Variants in AKT3 observed in about 807,000 individuals in gnomAD.
The protein encoded by AKT3 is RAC-gamma serine/threonine-protein kinase.
Under a neutral mutation model 65.3 loss-of-function variants are expected in AKT3, and 15 were observed. The ratio of observed to expected loss-of-function variants is 0.23; its 90% confidence interval spans 0.15 to 0.35. The LOEUF is 0.35. Among genes scored for constraint, AKT3 ranks in the 10% least tolerant of loss-of-function variants. The probability of loss-of-function intolerance (pLI) is 1.00; values close to 1 mark genes in which losing one functional copy is unlikely to be tolerated. For synonymous variants in AKT3, 206 were observed against 183.8 expected, an observed-to-expected ratio of 1.12 and a Z score of -0.98; for missense variants, 243 against 576.5, an observed-to-expected ratio of 0.42 and a Z score of 5.92.
chr1:243,536,282 A>C (rs928220571), intron 12 of AKT3, among the ~76,000 whole-genome samples: 38 of 152,120 alleles, frequency 2.5e-4, no homozygotes, highest in African/African-American at 8.4e-4. Flanking sequence ...TGGGGACTTA[A>C]GTCACACATT....
At position 243,807,469 on chromosome 1, in the gene AKT3, G is replaced by A. The variant is rs184012288; in HGVS notation, c.46+35656C>T. ...GCAGTCTGAGATCAAACTGCAACGC[G>A]GCAGCAAGGCTGAGGGAGGGGCGCC... On this transcript the variant is annotated intron_variant, in intron 2 of 13. Coordinates refer to ENST00000673466, the MANE Select transcript of AKT3 (RefSeq NM_005465.7). Among the ~76,000 whole-genome samples the A allele has an allele frequency of 5.2e-3, 783 of 150,248 alleles. 9 individuals are homozygous for A. The highest frequency in any genetic ancestry group is 0.019 in the African/African-American group (742 of 39,572).
chr1:243,649,346 T>C (rs1413173896), intron 4 of AKT3, among the ~76,000 whole-genome samples: 1 of 150,454 alleles, frequency 6.6e-6, no homozygotes, highest in African/African-American at 2.5e-5. Flanking sequence ...TGTGTGTGTG[T>C]GTGTGTGTGT....
intron 2 of AKT3, among the ~76,000 whole-genome samples, chr1:243,715,136 A>G (rs1300880444): frequency 2.0e-5 from 3 of 152,102 alleles, no homozygotes; most frequent in Admixed American, 2.0e-4. Flanking sequence ...TCCCTACTAA[A>G]GCTTGAAGTA....
intron 2 of AKT3, among the ~76,000 whole-genome samples, chr1:243,749,888 T>C (rs1044256236): frequency 2.0e-5 from 3 of 152,226 alleles, no homozygotes; most frequent in African/African-American, 7.2e-5. Context: ...AATGAGGTTA[T>C]CAGTGGCCTC....
chr1:243,724,908 G>T (rs1453160769), intron 2 of AKT3, among the ~76,000 whole-genome samples: 1 of 151,852 alleles, frequency 6.6e-6, no homozygotes, highest in Non-Finnish European at 1.5e-5. Context: ...AGGTACACAA[G>T]AAACAAAAGT....
Position 243,590,665 on chromosome 1 carries a change from T to C in AKT3, c.697-17617A>G, listed in dbSNP as rs147713577. Among the ~76,000 whole-genome samples, 648 of 152,180 alleles carry C rather than the reference T, an allele frequency of 4.3e-3. 5 individuals carry two copies. The highest frequency in any genetic ancestry group is 0.015 in the African/African-American group (623 of 41,520). On this transcript the variant is annotated intron_variant, in intron 8 of 13. Transcript: ENST00000673466. ...ACAACATCTAAAATAAAAAATTCACTAGATGGAATTAACAGATTCGACACT... is the reference window on the plus strand; with the variant it reads ...ACAACATCTAAAATAAAAAATTCACCAGATGGAATTAACAGATTCGACACT...
chr1:243,548,972 C>T (rs756285895), intron 11 of AKT3, among the ~76,000 whole-genome samples: 2 of 152,130 alleles, frequency 1.3e-5, no homozygotes, highest in Non-Finnish European at 2.9e-5. Context: ...TTTCCAAAGG[C>T]TTTTCAAGGT....
chr1:243,804,347 A>T (rs972688375), intron 2 of AKT3, among the ~76,000 whole-genome samples: 1 of 152,230 alleles, frequency 6.6e-6, no homozygotes, highest in African/African-American at 2.4e-5. Context: ...TTAAACTAGT[A>T]ATACATTTAG....
chr1:243,613,196 C>T (rs1472558907), intron 8 of AKT3, among the ~76,000 whole-genome samples: 1 of 149,802 alleles, frequency 6.7e-6, no homozygotes, highest in Non-Finnish European at 1.5e-5. Flanking sequence ...CATACACACA[C>T]ACACATATAT....
At chr1:243,566,238 T>C (rs1674147401) in intron 9 of AKT3, among the ~76,000 whole-genome samples, 1 of 152,182 alleles carries the variant, frequency 6.6e-6, no homozygotes, top group South Asian at 2.1e-4. Flanking sequence ...TCTAATTCTG[T>C]AACCTCGTAT....
At chr1:243,567,672 A>C (rs1674265950) in intron 9 of AKT3, among the ~76,000 whole-genome samples, 1 of 151,974 alleles carries the variant, frequency 6.6e-6, no homozygotes, top group Non-Finnish European at 1.5e-5. Context: ...ACATTCTTCT[A>C]TCAATTACTT....
chr1:243,727,559 G>A (rs1236456402), intron 2 of AKT3, among the ~76,000 whole-genome samples: 2 of 152,082 alleles, frequency 1.3e-5, no homozygotes, highest in African/African-American at 4.8e-5. Context: ...AGGATTACAG[G>A]TGTCAGCCAC....
At chr1:243,665,525 C>T (rs922587267) in intron 3 of AKT3, among the ~76,000 whole-genome samples, 4 of 152,310 alleles carry the variant, frequency 2.6e-5, no homozygotes, top group African/African-American at 9.6e-5. Context: ...TACTGAATAA[C>T]TAGGAAGATG....
rs116644802 is a variant in AKT3, at chr1:243,510,998, C to T, written c.1354+1326G>A. Among the ~76,000 whole-genome samples, 432 of 152,384 alleles carry T rather than the reference C, an allele frequency of 2.8e-3. 2 individuals are homozygous for T. Among genetic ancestry groups the T allele is most frequent in the Middle Eastern group, 0.01 (3 of 294 alleles). On this transcript the variant is annotated intron_variant, in intron 13 of 13. Transcript: ENST00000673466. ...GCCTATGCCCATGATTTCTACTCAG[C>T]GCTGAGCTACTTGCCCATGACTCCA...
At chr1:243,626,915 T>G (rs1382989647) in intron 6 of AKT3, among the ~76,000 whole-genome samples, 1 of 152,200 alleles carries the variant, frequency 6.6e-6, no homozygotes, top group Non-Finnish European at 1.5e-5. Flanking sequence ...TAGTTTTCCC[T>G]TCAGTCAGAA....
intron 8 of AKT3, among the ~76,000 whole-genome samples, chr1:243,613,340 C>CT (rs1434799954): frequency 1.3e-5 from 2 of 151,626 alleles, no homozygotes; most frequent in African/African-American, 2.4e-5. Context: ...TGAAAAGAAA[C>CT]TTTGTGAAAC....
At chr1:243,679,579 G>C (rs903453066) in intron 3 of AKT3, among the ~76,000 whole-genome samples, 9 of 152,168 alleles carry the variant, frequency 5.9e-5, no homozygotes, top group African/African-American at 9.7e-5. Flanking sequence ...CTTTATAGAA[G>C]TTATATTTAA....
chr1:243,770,343 C>A (rs1690099867), intron 2 of AKT3, among the ~76,000 whole-genome samples: 1 of 152,102 alleles, frequency 6.6e-6, no homozygotes, highest in East Asian at 1.9e-4. Context: ...AACAGGAAAA[C>A]TGAAACCTAA....
intron 3 of AKT3, 63 bp from the exon 4 acceptor site, chr1:243,664,946 G>A: frequency 2.2e-6 from 2 of 893,282 alleles, no homozygotes; most frequent in Admixed American, 2.7e-5. Flanking sequence ...GTAAATAATT[G>A]AGAACTACAG....
Sources: gnomAD v4.1 joint callset for allele counts (sites outside exome capture counted in the v4.1 genomes callset) on GRCh38, gnomAD v4.1.1 for gene constraint, MANE v1.5 for transcripts, NCBI Gene and HGNC (gene_info 2026-07-23, HGNC 2026-07-21) for gene names.